DPP6: variants seen among roughly 807,000 people sequenced by gnomAD.
DPP6 encodes the protein dipeptidyl peptidase like 6.
A neutral mutation model predicts 122.6 loss-of-function variants in DPP6; 69 were observed. The ratio of observed to expected loss-of-function variants is 0.56; its 90% confidence interval spans 0.46 to 0.69. DPP6 has a LOEUF of 0.69. Ranked by LOEUF, DPP6 falls within the 30% of genes least tolerant of loss-of-function variation. The probability of loss-of-function intolerance (pLI) is 0.00; values close to 1 mark genes in which losing one functional copy is unlikely to be tolerated. For missense variants in DPP6, 928 were observed against 1,116.9 expected (o/e 0.83, Z 2.41); for synonymous variants, 418 against 433.1 (o/e 0.97, Z 0.43).
intron 1 of DPP6, among the ~76,000 whole-genome samples, chr7:154,135,392 G>T (rs1409252300): frequency 2.0e-5 from 3 of 150,658 alleles, no homozygotes; most frequent in Admixed American, 6.6e-5. Context: ...CACTTCCTTT[G>T]AGCATACACC....
intron 7 of DPP6, among the ~76,000 whole-genome samples, chr7:154,713,309 A>G (rs992155759): frequency 6.6e-6 from 1 of 152,148 alleles, no homozygotes; most frequent in African/African-American, 2.4e-5. Context: ...TGGATCTACC[A>G]TTCTGGGATC....
At chr7:154,662,208 T>C (rs1446187444) in intron 6 of DPP6, among the ~76,000 whole-genome samples, 2 of 151,580 alleles carry the variant, frequency 1.3e-5, no homozygotes. Flanking sequence ...ATATTGGCCG[T>C]AGCGTTCACG....
intron 4 of DPP6, among the ~76,000 whole-genome samples, chr7:154,545,402 T>C (rs1461271234): frequency 6.6e-6 from 1 of 152,094 alleles, no homozygotes; most frequent in Non-Finnish European, 1.5e-5. Context: ...ATCTTCTGAG[T>C]AGAACACTCC....
chr7:154,547,868 C>T (rs191668935), intron 4 of DPP6, among the ~76,000 whole-genome samples: 1 of 152,068 alleles, frequency 6.6e-6, no homozygotes, highest in Admixed American at 6.6e-5. Context: ...GTATATTTTA[C>T]TTACTTTTAT....
chr7:154,791,332 T>C (rs113414037), intron 10 of DPP6, among the ~76,000 whole-genome samples: 2,658 of 152,266 alleles, frequency 0.017, 77 homozygotes, highest in African/African-American at 0.061. Flanking sequence ...AGAGGTTTCA[T>C]AGACTCAGTT....
chr7:154,083,721 A>T (rs1005102017), intron 1 of DPP6, among the ~76,000 whole-genome samples: 1 of 148,822 alleles, frequency 6.7e-6, no homozygotes. Context: ...GCATCTTCCT[A>T]TGAGAGCCCT....
intron 1 of DPP6, among the ~76,000 whole-genome samples, chr7:154,356,897 T>C (rs17174366): frequency 0.12 from 17,579 of 152,184 alleles, 1,537 homozygotes; most frequent in African/African-American, 0.24. Context: ...CGAATTTTGT[T>C]GAAATTTGAC....
chr7:154,835,303 G>A (rs745710417), intron 16 of DPP6, among the ~76,000 whole-genome samples: 7 of 152,128 alleles, frequency 4.6e-5, no homozygotes, highest in Admixed American at 2.0e-4. Flanking sequence ...AGGACAAGCC[G>A]CGGACTGATG....
intron 3 of DPP6, among the ~76,000 whole-genome samples, chr7:154,522,564 T>A (rs1401108674): frequency 1.3e-5 from 2 of 152,196 alleles, no homozygotes; most frequent in African/African-American, 4.8e-5. Context: ...ATGCTGTTTG[T>A]ATTTAGAATG....
At chr7:154,508,980 A>G (rs12536257) in intron 3 of DPP6, among the ~76,000 whole-genome samples, 40,687 of 152,102 alleles carry the variant, frequency 0.27, 5,538 homozygotes, top group Middle Eastern at 0.33. Context: ...ATAAAAATTA[A>G]CTCAAAATGG....
chr7:154,032,021 C>CTG (rs1386804088), intron 1 of DPP6, among the ~76,000 whole-genome samples: 3 of 142,476 alleles, frequency 2.1e-5, no homozygotes, highest in African/African-American at 8.6e-5. Context: ...GCCATCACAC[C>CTG]CGCCTATTTT....
chr7:153,921,117 C>G lies in DPP6; in HGVS notation c.51+33383C>G, dbSNP rs1800618986. Among the ~76,000 whole-genome samples, 3 of 152,222 alleles carry G rather than the reference C, an allele frequency of 2.0e-5. No individual in the cohort carries two copies. The South Asian group carries it at 6.2e-4, about 32-fold the overall frequency. The stretch of plus-strand genomic sequence containing the variant: ...TGTAGGAGAAAGCGAGTGTTAGGAG[C>G]CACTTGTGGCTGTGTCTCTCTTTTT... On this transcript the variant is annotated intron_variant, in intron 1 of 25. Coordinates refer to the DPP6 transcript ENST00000404039.
At chr7:154,528,809 T>G (rs556205243) in intron 3 of DPP6, among the ~76,000 whole-genome samples, 14 of 152,324 alleles carry the variant, frequency 9.2e-5, no homozygotes, top group East Asian at 7.7e-4. Context: ...TTGGCCTTTA[T>G]GCAGATCCCA....
At chr7:154,849,103 C>T (rs1010621606) in intron 16 of DPP6, among the ~76,000 whole-genome samples, 13 of 151,798 alleles carry the variant, frequency 8.6e-5, no homozygotes, top group Non-Finnish European at 1.3e-4. Context: ...GTGATGCCTC[C>T]TGTTTTATTC....
At chr7:153,912,702 G>A (rs1800142477) in intron 1 of DPP6, among the ~76,000 whole-genome samples, 1 of 152,102 alleles carries the variant, frequency 6.6e-6, no homozygotes, top group South Asian at 2.1e-4. Flanking sequence ...ATTCTCTAAG[G>A]AGTTGCACTC....
intron 5 of DPP6, chr7:154,587,188 C>T (rs1359965569): frequency 5.3e-6 from 1 of 189,246 alleles, no homozygotes. Context: ...CATGTCAGCT[C>T]TGCACTCAGT....
At chr7:154,030,791 C>T (rs1355858970) in intron 1 of DPP6, among the ~76,000 whole-genome samples, 11 of 152,138 alleles carry the variant, frequency 7.2e-5, no homozygotes, top group African/African-American at 1.9e-4. Context: ...CCCTGGTGAC[C>T]ACTCACACAG....
At chr7:154,692,590 C>T (rs1282317096) in intron 7 of DPP6, among the ~76,000 whole-genome samples, 12 of 152,052 alleles carry the variant, frequency 7.9e-5, no homozygotes, top group Admixed American at 1.3e-4. Context: ...CAAGGTGTTG[C>T]GGGGACATCC....
intron 5 of DPP6, among the ~76,000 whole-genome samples, chr7:154,585,269 C>G (rs866087650): frequency 6.6e-6 from 1 of 152,338 alleles, no homozygotes; most frequent in Non-Finnish European, 1.5e-5. Flanking sequence ...GCTCTAAAAA[C>G]GTTTTTGCTG....
Sources: allele counts gnomAD v4.1 joint callset (sites outside exome capture counted in the v4.1 genomes callset), GRCh38; gene constraint gnomAD v4.1.1; transcripts MANE v1.5; gene names NCBI Gene and HGNC (gene_info 2026-07-23, HGNC 2026-07-21).